USP13: variants seen among roughly 807,000 people sequenced by gnomAD.
The protein encoded by USP13 is ubiquitin specific peptidase 13, also known as ubiquitin carboxyl-terminal hydrolase 13.
In USP13, 68 loss-of-function variants were observed where a neutral mutation model predicts 107.8. The observed-to-expected ratio is 0.63, with a 90% CI of 0.52 to 0.77. The LOEUF is 0.77. USP13 is among the 30% of genes least tolerant of loss of function. The pLI, the probability that USP13 is intolerant of heterozygous loss-of-function variation, is 0.00. For synonymous variants in USP13, 377 were observed against 389.5 expected, an observed-to-expected ratio of 0.97 and a Z score of 0.38; for missense variants, 945 against 1,093.3, an observed-to-expected ratio of 0.86 and a Z score of 1.91.
chr3:179,706,441 A>T (rs1054511273), intron 4 of USP13, among the ~76,000 whole-genome samples: 1 of 152,164 alleles, frequency 6.6e-6, no homozygotes, highest in African/African-American at 2.4e-5. Flanking sequence ...CCAGGGTCAC[A>T]TTTGCACCAG....
chr3:179,777,848 G>T (rs889789074), intron 19 of USP13, among the ~76,000 whole-genome samples: 1 of 152,042 alleles, frequency 6.6e-6, no homozygotes, highest in Non-Finnish European at 1.5e-5. Context: ...ATTTGATATA[G>T]AATTAATCCA....
chr3:179,783,939 C>G, intron 20 of USP13, 109 bp from the exon 21 acceptor site: 1 of 836,138 alleles, frequency 1.2e-6, no homozygotes, highest in Non-Finnish European at 1.9e-6. Flanking sequence ...AGTATAGTAC[C>G]TTAAAACATC....
At chr3:179,691,026 G>A (rs898611579) in intron 3 of USP13, among the ~76,000 whole-genome samples, 4 of 151,820 alleles carry the variant, frequency 2.6e-5, no homozygotes, top group Non-Finnish European at 4.4e-5. Flanking sequence ...AAAATTAGCC[G>A]GGTATAGTGG....
At chr3:179,777,443 CTTTTTTTTT>C (rs11317182) in intron 19 of USP13, among the ~76,000 whole-genome samples, 1 of 113,696 alleles carries the variant, frequency 8.8e-6, no homozygotes. Flanking sequence ...CTCTCTCTCT[CTTTTTTTTT>C]TTTTTTTTTT....
chr3:179,728,970 GAGACGGAGAGGA>G (rs1471819928), intron 8 of USP13, among the ~76,000 whole-genome samples: 1 of 126,064 alleles, frequency 7.9e-6, no homozygotes, highest in East Asian at 2.4e-4. Context: ...AGACCGTGGG[GAGACGGAGAGGA>G]AGAGGGAGAG....
chr3:179,730,548 G>C, intron 9 of USP13, 68 bp from the exon 10 acceptor site: 1 of 1,327,660 alleles, frequency 7.5e-7, no homozygotes, highest in Non-Finnish European at 1.1e-6. Flanking sequence ...GATATTCATA[G>C]ATAAATTTAA....
rs141343601 is a variant in USP13 at position 179,671,766 on chromosome 3, C to T, written c.169-10112C>T. On this transcript the variant is annotated intron_variant, in intron 1 of 20. Coordinates refer to ENST00000263966, the MANE Select transcript of USP13 (RefSeq NM_003940.3). The stretch of plus-strand genomic sequence containing the variant: ...TTTTCCTGTCCGCTCTTTTTTGAGT[C>T]GATGTTCTAGAAAATACGGTGTTCT... 1.1e-4 allele frequency among the ~76,000 whole-genome samples: 17 copies of T among 151,956 alleles called. No homozygotes were observed. The East Asian group carries it at 1.5e-3, about 14-fold the overall frequency.
At position 179,684,280 on chromosome 3, in the gene USP13, C is replaced by CACACACAG. The variant is rs1711782758; in HGVS notation, c.294+2284_294+2285insGACACACA. On this transcript the variant is annotated intron_variant, in intron 2 of 20. Transcript: ENST00000263966. ...GGCAGTATCACCCTTTACACACACACACACACACACACACACACACACACA... is the reference window on the plus strand; with the variant it reads ...GGCAGTATCACCCTTTACACACACACACACACAGACACACACACACACACACACACACA... Among the ~76,000 whole-genome samples the CACACACAG allele has an allele frequency of 2.2e-4, 32 of 143,806 alleles. No individual in the cohort carries two copies. The South Asian group carries it at 2.7e-3, about 12-fold the overall frequency. The allele number at this position is 143,806 out of a possible 152,430, so 94.3% of individuals were successfully genotyped here. A position where few individuals can be genotyped will look rare whatever the true frequency, so the allele number is the denominator to read the frequency against.
At chr3:179,712,887 T>G (rs1483068076) in intron 6 of USP13, among the ~76,000 whole-genome samples, 1 of 152,164 alleles carries the variant, frequency 6.6e-6, no homozygotes, top group Non-Finnish European at 1.5e-5. Context: ...AAAAAAACCT[T>G]TGCTAATCTG....
intron 6 of USP13, among the ~76,000 whole-genome samples, chr3:179,716,571 G>T (rs1047279093): frequency 1.3e-5 from 2 of 152,120 alleles, no homozygotes; most frequent in Admixed American, 6.5e-5. Context: ...GATGACCCGC[G>T]CCAGGCATGC....
intron 7 of USP13, among the ~76,000 whole-genome samples, chr3:179,720,240 A>G (rs894395976): frequency 4.6e-5 from 7 of 152,222 alleles, no homozygotes; most frequent in Admixed American, 3.3e-4. Context: ...TTTATGCTGT[A>G]ATAAAAATGG....
intron 3 of USP13, among the ~76,000 whole-genome samples, chr3:179,691,118 A>C (rs1712102610): frequency 6.6e-6 from 1 of 151,136 alleles, no homozygotes; most frequent in Non-Finnish European, 1.5e-5. Context: ...GTAGTGAGCT[A>C]TGATTGCCAC....
chr3:179,681,836 G>A, intron 1 of USP13, 42 bp from the exon 2 acceptor site: 1 of 1,598,566 alleles, frequency 6.3e-7, no homozygotes, highest in South Asian at 1.1e-5. Context: ...TGACTACTGG[G>A]CTAGGTGTCG....
At chr3:179,715,366 T>TC (rs1491043911) in intron 6 of USP13, among the ~76,000 whole-genome samples, 1 of 122,288 alleles carries the variant, frequency 8.2e-6, no homozygotes, top group Non-Finnish European at 2.0e-5. Context: ...TATTTTTCTT[T>TC]CTTTTTTTTT....
intron 10 of USP13, among the ~76,000 whole-genome samples, chr3:179,734,000 A>G (rs1241367623): frequency 6.6e-6 from 1 of 152,178 alleles, no homozygotes; most frequent in Admixed American, 6.5e-5. Flanking sequence ...CAGTGTGTGG[A>G]TGGTGGCAGG....
Position 179,653,463 on chromosome 3 carries a change from T to A in USP13, c.168+70T>A. 6.6e-7 allele frequency: 1 copy of A among 1,513,830 alleles called. No individual in the cohort carries two copies. The highest frequency in any genetic ancestry group is 8.9e-7 in the Non-Finnish European group (1 of 1,125,804). 93.8% of individuals were successfully genotyped at this position (1,513,830 alleles called of 1,614,324 possible). A position where few individuals can be genotyped will look rare whatever the true frequency, so the allele number is the denominator to read the frequency against. On this transcript the variant is annotated intron_variant, in intron 1 of 20. Transcript: ENST00000263966. The surrounding 1 kb of genome is among the most constrained non-coding windows in gnomAD (Gnocchi z 4.0). The stretch of plus-strand genomic sequence containing the variant: ...CGGCACGTGAAGCCGGGGGAGAAGA[T>A]GCGCAGTGGCGGCCGGGACCTCTTC...
intron 8 of USP13, among the ~76,000 whole-genome samples, chr3:179,727,643 G>A (rs1476891881): frequency 2.4e-5 from 2 of 84,308 alleles, no homozygotes; most frequent in African/African-American, 7.8e-5. Flanking sequence ...CCACAAAACC[G>A]CCATTGTCAT....
chr3:179,664,963 C>T (rs1576909073), intron 1 of USP13, among the ~76,000 whole-genome samples: 1 of 152,244 alleles, frequency 6.6e-6, no homozygotes, highest in East Asian at 1.9e-4. Flanking sequence ...TGGCAGGTGC[C>T]TGTAATCCCA....
intron 11 of USP13, among the ~76,000 whole-genome samples, chr3:179,741,459 T>C (rs1440724595): frequency 6.6e-6 from 1 of 152,180 alleles, no homozygotes; most frequent in East Asian, 1.9e-4. Context: ...ATAACTTTTT[T>C]TTTTTAGAAT....
Sources: gnomAD v4.1 joint callset for allele counts (sites outside exome capture counted in the v4.1 genomes callset) on GRCh38, gnomAD v4.1.1 for gene constraint, Gnocchi (gnomAD v3.1) non-coding constraint, MANE v1.5 for transcripts, NCBI Gene and HGNC (gene_info 2026-07-23, HGNC 2026-07-21) for gene names.